The following RIPK2 variants were observed in gnomAD, a reference collection of about 807,000 sequenced individuals.
The protein encoded by RIPK2 is receptor interacting serine/threonine kinase 2.
A neutral mutation model predicts 60.9 loss-of-function variants in RIPK2; 38 were observed. The ratio of observed to expected loss-of-function variants is 0.62; its 90% confidence interval spans 0.48 to 0.82. The LOEUF (loss-of-function observed/expected upper bound fraction) is 0.82, where lower values mean the gene tolerates loss of function less well. Ranked by LOEUF, RIPK2 falls within the 40% of genes least tolerant of loss-of-function variation. The pLI is 0.00. For missense variants in RIPK2, 518 were observed against 647.0 expected, an observed-to-expected ratio of 0.80 and a Z score of 2.16; for synonymous variants, 225 against 223.4, an observed-to-expected ratio of 1.01 and a Z score of -0.06.
At chr8:89,761,577 T>G (rs1258835183) in intron 1 of RIPK2, among the ~76,000 whole-genome samples, 1 of 152,096 alleles carries the variant, frequency 6.6e-6, no homozygotes, top group Non-Finnish European at 1.5e-5. Context: ...CATCTTAAAA[T>G]TGTATTCTAC....
intron 9 of RIPK2, among the ~76,000 whole-genome samples, chr8:89,787,921 A>G (rs1381227495): frequency 6.6e-6 from 1 of 152,198 alleles, no homozygotes; most frequent in African/African-American, 2.4e-5. Flanking sequence ...GTGAGATGTT[A>G]TAGACAACTA....
At chr8:89,785,175 G>C (rs1203730819) in intron 8 of RIPK2, among the ~76,000 whole-genome samples, 1 of 152,160 alleles carries the variant, frequency 6.6e-6, no homozygotes, top group African/African-American at 2.4e-5. Flanking sequence ...ATAGGTCGCA[G>C]TCAAAACATT....
chr8:89,776,962 AT>A lies in RIPK2; in HGVS notation c.854-3111del, dbSNP rs541927722. On this transcript the variant is annotated intron_variant, in intron 6 of 10. Coordinates refer to ENST00000220751, the MANE Select transcript of RIPK2 (RefSeq NM_003821.6). ...GGAAACAAATGAAGTGAGCCTTCCG[AT>A]TGCCCAGCTTCCTGCCTTGAGAGTT... Among the ~76,000 whole-genome samples, 1,121 of 152,282 alleles carry A rather than the reference AT, an allele frequency of 7.4e-3. 12 individuals are homozygous for A. Among genetic ancestry groups the A allele is most frequent in the African/African-American group, 0.026 (1,061 of 41,554 alleles).
intron 3 of RIPK2, among the ~76,000 whole-genome samples, chr8:89,766,976 G>T (rs867166183): frequency 4.0e-5 from 6 of 151,832 alleles, no homozygotes; most frequent in Middle Eastern, 3.4e-3. Context: ...TTTTAACAGG[G>T]ACTTTCACAA....
intron 1 of RIPK2, among the ~76,000 whole-genome samples, chr8:89,760,721 T>G (rs1038163309): frequency 6.6e-6 from 1 of 152,212 alleles, no homozygotes; most frequent in Non-Finnish European, 1.5e-5. Context: ...GTGGAGCTAA[T>G]GAAACTATGT....
At chr8:89,778,031 A>T (rs1448426334) in intron 6 of RIPK2, among the ~76,000 whole-genome samples, 2 of 152,182 alleles carry the variant, frequency 1.3e-5, no homozygotes, top group African/African-American at 4.8e-5. Flanking sequence ...GGACAAACCT[A>T]CTGAAAAGAA....
chr8:89,788,732 G>A (rs111956182), intron 9 of RIPK2, among the ~76,000 whole-genome samples: 3,642 of 151,806 alleles, frequency 0.024, 66 homozygotes, highest in South Asian at 0.051. Context: ...AGCTGAGATC[G>A]CAACCATTGC....
chr8:89,771,341 T>C (rs889316530), intron 4 of RIPK2, among the ~76,000 whole-genome samples: 1 of 150,792 alleles, frequency 6.6e-6, no homozygotes, highest in African/African-American at 2.4e-5. Context: ...AAGATATTTC[T>C]ACTACCAAAG....
intron 9 of RIPK2, among the ~76,000 whole-genome samples, chr8:89,787,843 CTA>C (rs1809611112): frequency 6.6e-6 from 1 of 151,970 alleles, no homozygotes; most frequent in African/African-American, 2.4e-5. Flanking sequence ...AGTTAGGAGA[CTA>C]TTACTGTAGT....
Position 89,771,747 on chromosome 8 carries a change from A to G in RIPK2, c.648A>G (p.Ala216=), listed in dbSNP as rs746599674. 5.0e-6 allele frequency: 8 copies of G among 1,602,642 alleles called. No individual in the cohort carries two copies. The highest frequency in any genetic ancestry group is 6.8e-6 in the Non-Finnish European group (8 of 1,171,982). Residue 216 remains alanine (A), a synonymous_variant, in exon 5 of 11, where the codon GCA becomes GCG. Coordinates refer to ENST00000220751, the MANE Select transcript of RIPK2 (RefSeq NM_003821.6). The part of the protein sequence containing the change: ...ASIKHDIYSY[A]VITWEVLSRK... Reference sequence around the variant, plus strand: ...ATGTTCTTATGTTAAACAGCTATGCAGTTATCACATGGGAAGTGTTATCCA... The same window carrying G: ...ATGTTCTTATGTTAAACAGCTATGCGGTTATCACATGGGAAGTGTTATCCA...
In RIPK2 at chr8:89,787,395, A is replaced by T. The variant is rs73694491; in HGVS notation, c.1123+709A>T. 9.4e-3 allele frequency among the ~76,000 whole-genome samples: 1,427 copies of T among 152,182 alleles called. 19 individuals carry two copies. The highest frequency in any genetic ancestry group is 0.033 in the African/African-American group (1,364 of 41,520). Reference sequence around the variant, plus strand: ...ATGTCCTCATTTTACACATTTAAGGACTCTGGATCACATAGCTAGTAGCTG... The same window carrying T: ...ATGTCCTCATTTTACACATTTAAGGTCTCTGGATCACATAGCTAGTAGCTG... On this transcript the variant is annotated intron_variant, in intron 9 of 10. Coordinates refer to ENST00000220751, the MANE Select transcript of RIPK2 (RefSeq NM_003821.6).
chr8:89,779,313 T>TTG (rs1228121572), intron 6 of RIPK2, among the ~76,000 whole-genome samples: 2 of 122,546 alleles, frequency 1.6e-5, no homozygotes, highest in African/African-American at 6.6e-5. Flanking sequence ...TTTTTGGGTT[T>TTG]TTTTTTTTTT....
At chr8:89,773,522 A>G (rs1414911387) in intron 6 of RIPK2, among the ~76,000 whole-genome samples, 1 of 152,184 alleles carries the variant, frequency 6.6e-6, no homozygotes, top group Non-Finnish European at 1.5e-5. Context: ...GCCATCATAA[A>G]AAGGTTAGAT....
At chr8:89,772,613 A>G in intron 5 of RIPK2, 54 bp from the exon 6 acceptor site, 1 of 1,291,748 alleles carries the variant, frequency 7.7e-7, no homozygotes, top group Non-Finnish European at 1.1e-6. Context: ...AGATGTAAGT[A>G]ATATGCTTAA....
At position 89,784,149 on chromosome 8, in the gene RIPK2, A is replaced by T. The variant is rs1483567488; in HGVS notation, c.1029+10A>T. ...TCATGGTCCACAAGAGGTAAAAAAA[A>T]AAAAAAAAAAAAAAAGGTTATATTA... is the stretch of plus-strand genomic sequence containing the variant. On this transcript the variant is annotated intron_variant, in intron 8 of 10. Transcript: ENST00000220751. The T allele has an allele frequency of 2.9e-6, 4 of 1,368,388 alleles. No individual in the cohort carries two copies. Among genetic ancestry groups the T allele is most frequent in the Non-Finnish European group, 4.0e-6 (4 of 998,664 alleles). The allele number at this position is 1,368,388 out of a possible 1,614,324, so 84.8% of individuals were successfully genotyped here.
Position 89,758,057 on chromosome 8 carries a change from G to A in RIPK2, c.-4G>A, listed in dbSNP as rs1053065537. The stretch of plus-strand genomic sequence containing the variant: ...ACCCGGAACCGGCCTGAGCGCCCGG[G>A]ACCATGAACGGGGAGGCCATCTGCA... On this transcript the variant is annotated 5_prime_UTR_variant, in exon 1 of 11. Transcript: ENST00000220751. 5 of 1,591,558 alleles carry A rather than the reference G, an allele frequency of 3.1e-6. No individual in the cohort carries two copies. The highest frequency in any genetic ancestry group is 2.3e-5 in the South Asian group (2 of 88,128).
chr8:89,758,736 G>C (rs1298853149), intron 1 of RIPK2, among the ~76,000 whole-genome samples: 1 of 152,112 alleles, frequency 6.6e-6, no homozygotes, highest in Admixed American at 6.5e-5. Flanking sequence ...TGTGACCTAA[G>C]TGTAAAATAC....
chr8:89,777,946 A>G (rs1303329305), intron 6 of RIPK2, among the ~76,000 whole-genome samples: 1 of 152,206 alleles, frequency 6.6e-6, no homozygotes, highest in Non-Finnish European at 1.5e-5. Context: ...AATTCTGTCA[A>G]TAGGACCAAA....
intron 7 of RIPK2, among the ~76,000 whole-genome samples, chr8:89,783,672 A>T (rs1809536746): frequency 6.6e-6 from 1 of 152,164 alleles, no homozygotes; most frequent in Non-Finnish European, 1.5e-5. Flanking sequence ...TTAACTATAG[A>T]TAGACATACA....
Sources: allele counts gnomAD v4.1 joint callset (sites outside exome capture counted in the v4.1 genomes callset), GRCh38; gene constraint gnomAD v4.1.1; transcripts MANE v1.5; gene names NCBI Gene and HGNC (gene_info 2026-07-23, HGNC 2026-07-21).